Variants in TMEM132C observed in about 807,000 individuals in gnomAD.
The protein encoded by TMEM132C is protein phosphatase 1, regulatory subunit 152.
TMEM132C carries 29 observed loss-of-function variants against 61.4 expected under a neutral mutation model. The observed-to-expected ratio is 0.47, with a 90% CI of 0.35 to 0.64. TMEM132C has a LOEUF of 0.64. Ranked by LOEUF, TMEM132C falls within the 30% of genes least tolerant of loss-of-function variation. The probability of loss-of-function intolerance (pLI) is 0.00; values close to 1 mark genes in which losing one functional copy is unlikely to be tolerated. For missense variants in TMEM132C, 1,408 were observed against 1,476.9 expected (o/e 0.95, Z 0.76); for synonymous variants, 656 against 633.1 (o/e 1.04, Z -0.54).
intron 2 of TMEM132C, among the ~76,000 whole-genome samples, chr12:128,516,232 A>G (rs189092939): frequency 1.3e-5 from 2 of 152,198 alleles, no homozygotes; most frequent in Admixed American, 6.5e-5. Context: ...TAGGAGCCAA[A>G]CACGAGACAC....
rs1954737021 is a variant in TMEM132C at position 128,693,814 on chromosome 12, CCT to C, written c.1450-12_1450-11del. The C allele has an allele frequency of 6.4e-7, 1 of 1,551,532 alleles. No individual in the cohort carries two copies. Among genetic ancestry groups the C allele is most frequent in the African/African-American group, 1.4e-5 (1 of 73,040 alleles). On this transcript the variant is annotated splice_polypyrimidine_tract_variant and intron_variant, in intron 5 of 8. Coordinates refer to ENST00000435159, the MANE Select transcript of TMEM132C (RefSeq NM_001136103.3). ...ATGAACTTCTCCTCCATCCTTTCTC[CCT>C]CTGTCTTTGCAGGTGTCTGAGCGCT...
chr12:128,621,058 C>T (rs956268180), intron 4 of TMEM132C, among the ~76,000 whole-genome samples: 1 of 151,994 alleles, frequency 6.6e-6, no homozygotes, highest in African/African-American at 2.4e-5. Context: ...GGCAGCGGGG[C>T]CTTCTCCCGT....
chr12:128,366,795 C>T (rs1193787949), intron 1 of TMEM132C, among the ~76,000 whole-genome samples: 2 of 152,196 alleles, frequency 1.3e-5, no homozygotes, highest in African/African-American at 2.4e-5. Flanking sequence ...GTATTAAGTA[C>T]GTCTTATGTG....
chr12:128,695,425 G>A (rs1347650806), intron 6 of TMEM132C, among the ~76,000 whole-genome samples: 6 of 152,096 alleles, frequency 3.9e-5, no homozygotes, highest in African/African-American at 1.2e-4. Flanking sequence ...TCAGGAGGCT[G>A]AAGGAGGAGG....
chr12:128,268,784 G>A lies in TMEM132C; in HGVS notation c.85+1297G>A, dbSNP rs1870406305. On this transcript the variant is annotated intron_variant, in intron 1 of 8. Transcript: ENST00000435159. Reference sequence around the variant, plus strand: ...TCCAGAAAAATCTACTTTCCTTGAGGCTGCGCTTTCCCAGATACACCAACC... The same window carrying A: ...TCCAGAAAAATCTACTTTCCTTGAGACTGCGCTTTCCCAGATACACCAACC... Among the ~76,000 whole-genome samples the A allele has an allele frequency of 2.0e-5, 3 of 151,706 alleles. No homozygotes were observed. In the South Asian group the frequency reaches 6.3e-4, roughly 32 times the overall value.
At chr12:128,693,485 G>T (rs1448580004) in intron 5 of TMEM132C, among the ~76,000 whole-genome samples, 2 of 152,144 alleles carry the variant, frequency 1.3e-5, no homozygotes, top group East Asian at 3.9e-4. Flanking sequence ...ATAAGAAATG[G>T]TAGCTAAAAA....
At chr12:128,600,073 C>T (rs969239432) in intron 3 of TMEM132C, among the ~76,000 whole-genome samples, 1 of 152,138 alleles carries the variant, frequency 6.6e-6, no homozygotes, top group Non-Finnish European at 1.5e-5. Flanking sequence ...AGCTCCGCCT[C>T]CCGGGTTCAC....
chr12:128,502,534 G>A (rs182824686), intron 2 of TMEM132C, among the ~76,000 whole-genome samples: 47 of 152,318 alleles, frequency 3.1e-4, no homozygotes, highest in African/African-American at 9.6e-4. Flanking sequence ...ACCCTAAAGG[G>A]CAGATCCTAT....
intron 2 of TMEM132C, among the ~76,000 whole-genome samples, chr12:128,448,560 G>A (rs1309942445): frequency 2.0e-5 from 3 of 152,100 alleles, no homozygotes; most frequent in African/African-American, 2.4e-5. Flanking sequence ...GCCAATGCCC[G>A]GGATTGGAAC....
intron 2 of TMEM132C, among the ~76,000 whole-genome samples, chr12:128,524,484 C>A (rs1403969847): frequency 1.3e-5 from 2 of 152,176 alleles, no homozygotes; most frequent in Non-Finnish European, 2.9e-5. Context: ...CTGGGTATTA[C>A]TTCTTTCTCC....
chr12:128,369,213 A>G (rs1873958239), intron 1 of TMEM132C, among the ~76,000 whole-genome samples: 1 of 152,224 alleles, frequency 6.6e-6, no homozygotes, highest in Admixed American at 6.5e-5. Flanking sequence ...CACTTTACAC[A>G]GATTATCTCA....
intron 4 of TMEM132C, among the ~76,000 whole-genome samples, chr12:128,628,371 G>A (rs752923554): frequency 6.6e-6 from 1 of 152,138 alleles, no homozygotes; most frequent in Non-Finnish European, 1.5e-5. Context: ...TGGGGCCTTT[G>A]CACTTACTAT....
intron 5 of TMEM132C, among the ~76,000 whole-genome samples, chr12:128,690,290 C>CGAGG (rs1195819890): frequency 1.3e-5 from 2 of 152,126 alleles, no homozygotes; most frequent in African/African-American, 4.8e-5. Context: ...GAAACAAAGC[C>CGAGG]GAGGGACTAA....
intron 4 of TMEM132C, among the ~76,000 whole-genome samples, chr12:128,655,458 A>C (rs1471282403): frequency 2.6e-5 from 4 of 151,386 alleles, no homozygotes; most frequent in Non-Finnish European, 4.4e-5. Flanking sequence ...TCTCTGGACT[A>C]CTCTGCCCTG....
At chr12:128,686,108 ATG>A (rs1291737063) in intron 5 of TMEM132C, among the ~76,000 whole-genome samples, 24 of 90,576 alleles carry the variant, frequency 2.6e-4, no homozygotes, top group Middle Eastern at 5.7e-3. Context: ...ATGTGTGTGC[ATG>A]TGTGTGTGCA....
At chr12:128,632,785 C>T (rs1451632331) in intron 4 of TMEM132C, among the ~76,000 whole-genome samples, 1 of 152,206 alleles carries the variant, frequency 6.6e-6, no homozygotes, top group East Asian at 1.9e-4. Flanking sequence ...AAAGGCTTCT[C>T]CTGACCTCAA....
intron 1 of TMEM132C, among the ~76,000 whole-genome samples, chr12:128,350,905 G>A (rs1044753546): frequency 6.6e-6 from 1 of 152,102 alleles, no homozygotes; most frequent in Admixed American, 6.5e-5. Context: ...AAAGGTAGGG[G>A]CATTGCCTAC....
intron 3 of TMEM132C, among the ~76,000 whole-genome samples, chr12:128,563,694 C>T (rs1183456221): frequency 2.0e-5 from 3 of 152,160 alleles, no homozygotes; most frequent in Admixed American, 2.0e-4. Flanking sequence ...ATTTCTCACA[C>T]ATAAAATGGG....
At chr12:128,527,212 C>T (rs374523590) in intron 2 of TMEM132C, among the ~76,000 whole-genome samples, 1 of 152,172 alleles carries the variant, frequency 6.6e-6, no homozygotes, top group Admixed American at 6.5e-5. Flanking sequence ...CCCAACATGA[C>T]AAGAACAAAA....
Sources: gnomAD v4.1 joint callset for allele counts (sites outside exome capture counted in the v4.1 genomes callset) on GRCh38, gnomAD v4.1.1 for gene constraint, MANE v1.5 for transcripts, NCBI Gene and HGNC (gene_info 2026-07-23, HGNC 2026-07-21) for gene names.